The following RIMS2 variants were observed in gnomAD, a reference collection of about 807,000 sequenced individuals.
The protein encoded by RIMS2 is regulating synaptic membrane exocytosis protein 2.
In RIMS2, 59 loss-of-function variants were observed where a neutral mutation model predicts 174.4. The ratio of observed to expected loss-of-function variants is 0.34; its 90% CI spans 0.27 to 0.42. RIMS2 has a LOEUF of 0.42. Ranked by LOEUF, RIMS2 falls within the 10% of genes least tolerant of loss-of-function variation. The probability of loss-of-function intolerance (pLI) is 1.00; values close to 1 mark genes in which losing one functional copy is unlikely to be tolerated. For missense variants in RIMS2, 1,620 were observed against 1,666.3 expected, an observed-to-expected ratio of 0.97 and a Z score of 0.48; for synonymous variants, 606 against 572.5, an observed-to-expected ratio of 1.06 and a Z score of -0.84.
At chr8:103,852,251 T>C (rs1271223331) in intron 3 of RIMS2, among the ~76,000 whole-genome samples, 6 of 151,984 alleles carry the variant, frequency 3.9e-5, no homozygotes, top group South Asian at 4.1e-4. Flanking sequence ...ATAGTATAGA[T>C]ATAATAGTGA....
intron 19 of RIMS2, among the ~76,000 whole-genome samples, chr8:104,232,425 T>C (rs1474387693): frequency 2.6e-5 from 4 of 152,252 alleles, no homozygotes; most frequent in Non-Finnish European, 4.4e-5. Context: ...ATGTTTCCTT[T>C]CAGGTGCCCA....
In RIMS2 at chr8:104,223,852, G is replaced by A. The variant is rs577884442; in HGVS notation, c.3335-21064G>A. 6 of 1,447,154 alleles carry A rather than the reference G, an allele frequency of 4.1e-6. No homozygotes were observed. In the Admixed American group the frequency reaches 1.1e-4, roughly 27 times the overall value. 89.6% of individuals were successfully genotyped at this position (1,447,154 alleles called of 1,614,324 possible). A position where few individuals can be genotyped will look rare whatever the true frequency, so the allele number is the denominator to read the frequency against. On this transcript the variant is annotated intron_variant, in intron 19 of 23. Transcript: ENST00000504942. ...TATCTGTTTAGAAAGTCGGTGGCTG[G>A]AGGGTTGGCCGGGGCAGAGAGAACT...
chr8:103,878,707 T>G (rs1023010550), intron 3 of RIMS2, among the ~76,000 whole-genome samples: 2 of 151,786 alleles, frequency 1.3e-5, no homozygotes, highest in East Asian at 1.9e-4. Context: ...GCTTTTTTTT[T>G]TTTGTTTGAA....
At chr8:103,881,131 A>G (rs1418100899) in intron 3 of RIMS2, among the ~76,000 whole-genome samples, 1 of 151,490 alleles carries the variant, frequency 6.6e-6, no homozygotes, top group Non-Finnish European at 1.5e-5. Flanking sequence ...TCATATAGGT[A>G]GTACTTAATT....
chr8:104,246,681 G>A (rs1297835041), intron 20 of RIMS2, among the ~76,000 whole-genome samples: 1 of 152,144 alleles, frequency 6.6e-6, no homozygotes. Flanking sequence ...GGAAATATTC[G>A]AGTGAAGATC....
At position 104,014,510 on chromosome 8, in the gene RIMS2, C is replaced by T. The variant is rs770450570; in HGVS notation, c.3229C>T (p.His1077Tyr). The T allele has an allele frequency of 6.3e-7, 1 of 1,594,642 alleles. No homozygotes were observed. Among genetic ancestry groups the T allele is most frequent in the African/African-American group, 1.3e-5 (1 of 74,574 alleles). Residue 1077 changes from histidine (H) to tyrosine (Y), a missense_variant, in exon 19 of 24, where the codon CAT (histidine) becomes TAT (tyrosine). This residue lies in a region of RIMS2 where 1,395 missense variants were observed against 1,360.1 expected (regional missense o/e 1.03). Coordinates refer to ENST00000504942, the Ensembl canonical transcript of RIMS2. The stretch of plus-strand genomic sequence containing the variant: ...ATATTAATGGTGTGTCTTTAGGTCT[C>T]ATCCTCGTACTGGGTCTGTCCAGAC...
At chr8:103,890,407 G>GA (rs1173361370) in intron 4 of RIMS2, among the ~76,000 whole-genome samples, 1 of 151,958 alleles carries the variant, frequency 6.6e-6, no homozygotes, top group Admixed American at 6.6e-5. Flanking sequence ...GGATCCAGTG[G>GA]AAAATGTAGA....
intron 19 of RIMS2, among the ~76,000 whole-genome samples, chr8:104,072,605 C>T (rs1278585038): frequency 6.6e-6 from 1 of 152,040 alleles, no homozygotes; most frequent in African/African-American, 2.4e-5. Flanking sequence ...TCCTGAAATT[C>T]CAGTGACACA....
At chr8:103,529,782 T>C (rs1053242832) in intron 1 of RIMS2, among the ~76,000 whole-genome samples, 80 of 152,358 alleles carry the variant, frequency 5.3e-4, no homozygotes, top group African/African-American at 1.8e-3. Context: ...CTTTATATAA[T>C]CTTTAGATTG....
At chr8:103,869,174 C>T (rs1228959233) in intron 3 of RIMS2, among the ~76,000 whole-genome samples, 1 of 151,102 alleles carries the variant, frequency 6.6e-6, no homozygotes, top group Non-Finnish European at 1.5e-5. Context: ...TGTCCACCAG[C>T]CAAAGACAAC....
At chr8:103,662,499 A>G (rs1363368494) in intron 1 of RIMS2, among the ~76,000 whole-genome samples, 1 of 152,194 alleles carries the variant, frequency 6.6e-6, no homozygotes, top group Non-Finnish European at 1.5e-5. Flanking sequence ...TTTTTCAAAG[A>G]AGTACTTTTT....
intron 19 of RIMS2, among the ~76,000 whole-genome samples, chr8:104,118,379 T>G (rs1442964835): frequency 2.6e-5 from 4 of 151,068 alleles, no homozygotes; most frequent in South Asian, 2.1e-4. Flanking sequence ...TGTTTTTTTT[T>G]TTTTTGAGAC....
At chr8:103,728,527 C>T (rs1348795596) in intron 2 of RIMS2, among the ~76,000 whole-genome samples, 1 of 151,970 alleles carries the variant, frequency 6.6e-6, no homozygotes, top group Non-Finnish European at 1.5e-5. Flanking sequence ...GGAAATGCTT[C>T]CAGTTGTTCC....
At chr8:103,600,196 G>T (rs1284591517) in intron 1 of RIMS2, among the ~76,000 whole-genome samples, 1 of 152,082 alleles carries the variant, frequency 6.6e-6, no homozygotes, top group African/African-American at 2.4e-5. Context: ...CCATGTTGTT[G>T]CAGATGACAG....
intron 16 of RIMS2, among the ~76,000 whole-genome samples, chr8:103,988,930 T>C (rs557175366): frequency 2.4e-4 from 37 of 152,320 alleles, no homozygotes; most frequent in Non-Finnish European, 4.7e-4. Context: ...TGTATGCAAA[T>C]GTGTCTAACA....
intron 19 of RIMS2, among the ~76,000 whole-genome samples, chr8:104,218,805 C>A (rs1402465884): frequency 6.6e-6 from 1 of 152,146 alleles, no homozygotes. Context: ...GCTTTGCTCA[C>A]TCACCCGCCA....
At chr8:103,910,483 C>T (rs183766898) in intron 5 of RIMS2, 6 of 1,597,398 alleles carry the variant, frequency 3.8e-6, no homozygotes, top group East Asian at 2.2e-5. Context: ...GGGGTAGATA[C>T]GTGTAGTAGC....
intron 19 of RIMS2, among the ~76,000 whole-genome samples, chr8:104,184,728 A>G (rs1213001165): frequency 6.6e-6 from 1 of 151,566 alleles, no homozygotes; most frequent in African/African-American, 2.4e-5. Flanking sequence ...TAAAAAAATC[A>G]AGATAACATG....
intron 19 of RIMS2, among the ~76,000 whole-genome samples, chr8:104,169,029 T>C (rs2098814954): frequency 1.3e-5 from 2 of 152,122 alleles, no homozygotes; most frequent in African/African-American, 4.8e-5. Flanking sequence ...CTTTTTGATA[T>C]GCTGTTGGAT....
Sources: gnomAD v4.1 joint callset for allele counts (sites outside exome capture counted in the v4.1 genomes callset) on GRCh38, gnomAD v4.1.1 for gene constraint, gnomAD v4.1.1 regional missense constraint, MANE v1.5 for transcripts, NCBI Gene and HGNC (gene_info 2026-07-23, HGNC 2026-07-21) for gene names.